Variants in ABCA13 observed in about 807,000 individuals in gnomAD.
ABCA13 encodes the protein ATP binding cassette subfamily A member 13, also known as ATP-binding cassette sub-family A member 13.
A neutral mutation model predicts 478.7 loss-of-function variants in ABCA13; 476 were observed. The ratio of observed to expected loss-of-function variants is 0.99; its 90% CI spans 0.92 to 1.07. The LOEUF is 1.07. Ranked by LOEUF, ABCA13 falls within the 50% of genes least tolerant of loss-of-function variation. ABCA13 has a pLI of 0.00. For synonymous variants in ABCA13, 2,252 were observed against 2,158.9 expected, an observed-to-expected ratio of 1.04 and a Z score of -1.20; for missense variants, 6,060 against 5,910.6, an observed-to-expected ratio of 1.03 and a Z score of -0.83.
intron 17 of ABCA13, 47 bp from the exon 18 acceptor site, chr7:48,278,047 A>G (rs915902045): frequency 1.4e-5 from 9 of 654,524 alleles, no homozygotes; most frequent in Non-Finnish European, 1.7e-5. Flanking sequence ...TCCACTGTTA[A>G]TGTATTAAAA....
At chr7:48,470,634 G>A (rs143967354) in intron 44 of ABCA13, among the ~76,000 whole-genome samples, 221 of 152,262 alleles carry the variant, frequency 1.5e-3, no homozygotes, top group African/African-American at 5.0e-3. Flanking sequence ...CGTAGACATT[G>A]TACTTTGCTA....
chr7:48,565,291 T>A (rs1213615266), intron 55 of ABCA13, among the ~76,000 whole-genome samples: 3 of 145,740 alleles, frequency 2.1e-5, no homozygotes, highest in African/African-American at 7.7e-5. Flanking sequence ...ATCTCAGGAG[T>A]ATGAAAATAT....
intron 59 of ABCA13, among the ~76,000 whole-genome samples, chr7:48,623,322 G>A (rs1053285291): frequency 1.3e-5 from 2 of 151,960 alleles, no homozygotes; most frequent in Non-Finnish European, 2.9e-5. Context: ...TTATTTCTTC[G>A]TTATCCTTTT....
chr7:48,626,698 T>A lies in ABCA13; in HGVS notation c.14837+11321T>A, dbSNP rs149563497. On this transcript the variant is annotated intron_variant, in intron 59 of 61. Coordinates refer to ENST00000435803, the MANE Select transcript of ABCA13 (RefSeq NM_152701.5). ...CGCTGAAGAACACGATAATAGAACT[T>A]TACAGCCGGCTGATCTGAGCTTGAG... The A allele has an allele frequency of 2.7e-4, 262 of 985,296 alleles. No individual in the cohort carries two copies. The African/African-American group carries it at 4.4e-3, about 16-fold the overall frequency. 61.0% of individuals were successfully genotyped at this position (985,296 alleles called of 1,614,324 possible). A position where few individuals can be genotyped will look rare whatever the true frequency, so the allele number is the denominator to read the frequency against.
intron 27 of ABCA13, among the ~76,000 whole-genome samples, chr7:48,329,559 GTCCA>G (rs1360902527): frequency 2.0e-5 from 3 of 151,778 alleles, no homozygotes; most frequent in Non-Finnish European, 4.4e-5. Flanking sequence ...CCTCCCATCC[GTCCA>G]TCCATCCATC....
In ABCA13 at chr7:48,413,787, AT is replaced by A. The variant is rs371107316; in HGVS notation, c.12459+1205del. 8.5e-4 allele frequency among the ~76,000 whole-genome samples: 130 copies of A among 152,348 alleles called. 1 individual carries two copies. The highest frequency in any genetic ancestry group is 2.9e-3 in the African/African-American group (119 of 41,572). ...CATAAAAGATTGTGAAACATAAAAA[AT>A]ATTACAAAATGCTTTTATACATAGA... On this transcript the variant is annotated intron_variant, in intron 41 of 61. Coordinates refer to ENST00000435803, the MANE Select transcript of ABCA13 (RefSeq NM_152701.5).
At chr7:48,428,188 A>G (rs949116858) in intron 42 of ABCA13, among the ~76,000 whole-genome samples, 2 of 152,190 alleles carry the variant, frequency 1.3e-5, no homozygotes, top group African/African-American at 2.4e-5. Context: ...TTCATCACAA[A>G]CAAACTGATC....
intron 42 of ABCA13, among the ~76,000 whole-genome samples, chr7:48,436,718 T>A (rs902245387): frequency 6.6e-6 from 1 of 151,894 alleles, no homozygotes; most frequent in African/African-American, 2.4e-5. Flanking sequence ...ATGTTGTGTT[T>A]TCACTTCATT....
At chr7:48,361,625 T>C (rs892939982) in intron 31 of ABCA13, among the ~76,000 whole-genome samples, 12 of 151,692 alleles carry the variant, frequency 7.9e-5, no homozygotes, top group African/African-American at 2.4e-4. Flanking sequence ...GTTTTTTTCT[T>C]AAATATTTGT....
chr7:48,603,816 C>T (rs918242258), intron 58 of ABCA13: 3 of 152,468 alleles, frequency 2.0e-5, no homozygotes, highest in African/African-American at 7.2e-5. Flanking sequence ...ACCAGCTCCT[C>T]TTTGTACCTC....
At chr7:48,204,439 G>A (rs1784652037) in intron 3 of ABCA13, among the ~76,000 whole-genome samples, 1 of 152,128 alleles carries the variant, frequency 6.6e-6, no homozygotes, top group Admixed American at 6.5e-5. Context: ...TTGAATTCCT[G>A]ACCTCAGGCG....
At position 48,221,327 on chromosome 7, in the gene ABCA13, A is replaced by G; in HGVS notation, c.468+18A>G. The G allele has an allele frequency of 1.8e-6, 2 of 1,110,916 alleles. No homozygotes were observed. Among genetic ancestry groups the G allele is most frequent in the South Asian group, 3.0e-5 (2 of 67,754 alleles). 68.8% of individuals were successfully genotyped at this position (1,110,916 alleles called of 1,614,324 possible). A position where few individuals can be genotyped will look rare whatever the true frequency, so the allele number is the denominator to read the frequency against. On this transcript the variant is annotated intron_variant, in intron 5 of 61. Coordinates refer to ENST00000435803, the MANE Select transcript of ABCA13 (RefSeq NM_152701.5). ...TTTTTACAGTAAGTATCTTAACAATAGTTTGAAAATTAGTCTTCAGAGACA... is the reference window on the plus strand; with the variant it reads ...TTTTTACAGTAAGTATCTTAACAATGGTTTGAAAATTAGTCTTCAGAGACA...
chr7:48,183,497 G>A (rs1006561707), intron 1 of ABCA13, among the ~76,000 whole-genome samples: 1 of 152,204 alleles, frequency 6.6e-6, no homozygotes, highest in African/African-American at 2.4e-5. Flanking sequence ...ATTAAATAAT[G>A]AATGAGCAAG....
chr7:48,184,495 T>C (rs949126301), intron 1 of ABCA13, among the ~76,000 whole-genome samples: 5 of 152,162 alleles, frequency 3.3e-5, no homozygotes, highest in African/African-American at 9.7e-5. Flanking sequence ...AGGAAAACTG[T>C]CTGTTTTCTT....
At chr7:48,317,348 A>G in intron 27 of ABCA13, 52 bp downstream of exon 27, 3 of 1,547,376 alleles carry the variant, frequency 1.9e-6, no homozygotes, top group Non-Finnish European at 1.7e-6. Context: ...CTAAATCAGG[A>G]AGGAATCTTT....
intron 58 of ABCA13, among the ~76,000 whole-genome samples, chr7:48,600,877 G>C (rs989797428): frequency 4.6e-5 from 7 of 152,172 alleles, no homozygotes; most frequent in African/African-American, 1.7e-4. Context: ...TATGAAAAAT[G>C]TGAGAAAATT....
At chr7:48,414,425 A>C (rs1377339067) in intron 41 of ABCA13, among the ~76,000 whole-genome samples, 3 of 151,988 alleles carry the variant, frequency 2.0e-5, no homozygotes, top group Admixed American at 2.0e-4. Flanking sequence ...AGTTACTGGC[A>C]CTCATGGTTG....
chr7:48,242,687 C>T (rs956544463), intron 10 of ABCA13, among the ~76,000 whole-genome samples: 3 of 152,198 alleles, frequency 2.0e-5, no homozygotes, highest in Non-Finnish European at 4.4e-5. Flanking sequence ...GATCTGCCCT[C>T]CTCGGCCTCC....
chr7:48,194,700 G>A (rs1019171603), intron 2 of ABCA13, among the ~76,000 whole-genome samples: 2 of 152,140 alleles, frequency 1.3e-5, no homozygotes, highest in Non-Finnish European at 2.9e-5. Flanking sequence ...CAGTGTGTCA[G>A]TTATATTTAG....
Sources: gnomAD v4.1 joint callset for allele counts (sites outside exome capture counted in the v4.1 genomes callset) on GRCh38, gnomAD v4.1.1 for gene constraint, MANE v1.5 for transcripts, NCBI Gene and HGNC (gene_info 2026-07-23, HGNC 2026-07-21) for gene names.